KAT6B: variants seen among roughly 807,000 people sequenced by gnomAD.
The protein encoded by KAT6B is histone acetyltransferase KAT6B.
Under a neutral mutation model 187.5 loss-of-function variants are expected in KAT6B, and 10 were observed. The ratio of observed to expected loss-of-function variants is 0.05; its 90% confidence interval spans 0.03 to 0.09. The LOEUF (loss-of-function observed/expected upper bound fraction) is 0.09, where lower values mean the gene tolerates loss of function less well. Among genes scored for constraint, KAT6B ranks in the 10% least tolerant of loss-of-function variants. The pLI is 1.00. For synonymous variants in KAT6B, 861 were observed against 926.8 expected (o/e 0.93, Z 1.29); for missense variants, 1,952 against 2,558.9 (o/e 0.76, Z 5.12).
Position 74,977,308 on chromosome 10 carries a change from A to C in KAT6B, c.1994-8A>C. On this transcript the variant is annotated splice_region_variant and splice_polypyrimidine_tract_variant and intron_variant, in intron 8 of 17. Transcript: ENST00000287239. ...GTGAATACACTTTCTGCTGGTTTTAAATGACAGATACTGAAATAAAAATAA... is the reference window on the plus strand; with the variant it reads ...GTGAATACACTTTCTGCTGGTTTTACATGACAGATACTGAAATAAAAATAA... The C allele has an allele frequency of 6.2e-7, 1 of 1,612,562 alleles. No individual in the cohort carries two copies. The highest frequency in any genetic ancestry group is 1.1e-5 in the South Asian group (1 of 90,862).
chr10:74,843,085 C>T lies in KAT6B; in HGVS notation c.228C>T (p.Asn76=). 1 of 1,614,196 alleles carries T rather than the reference C, an allele frequency of 6.2e-7. No individual in the cohort carries two copies. Among genetic ancestry groups the T allele is most frequent in the South Asian group, 1.1e-5 (1 of 91,090 alleles). The change falls in exon 3 of 18, where the codon AAC becomes AAT. Residue 76 remains asparagine, a synonymous_variant. Coordinates refer to ENST00000287239, the MANE Select transcript of KAT6B (RefSeq NM_012330.4). ...KGLASYKDPD[N]PGRFSSVKPG... ...TTGCCTCCTATAAGGACCCAGACAACCCTGGGCGCTTTTCATCAGTTAAAC... is the reference window on the plus strand; with the variant it reads ...TTGCCTCCTATAAGGACCCAGACAATCCTGGGCGCTTTTCATCAGTTAAAC...
chr10:74,874,768 A>C (rs1179982473), intron 3 of KAT6B, among the ~76,000 whole-genome samples: 4 of 151,970 alleles, frequency 2.6e-5, no homozygotes, highest in Non-Finnish European at 5.9e-5. Context: ...GTTAGAAGTT[A>C]CTTCTTTGTG....
At chr10:74,943,400 T>A (rs1304642366) in intron 3 of KAT6B, among the ~76,000 whole-genome samples, 1 of 152,204 alleles carries the variant, frequency 6.6e-6, no homozygotes, top group Non-Finnish European at 1.5e-5. Context: ...CCAAACTGAT[T>A]TATAGAGTCA....
At chr10:74,964,258 G>A (rs1841307297) in intron 4 of KAT6B, among the ~76,000 whole-genome samples, 1 of 152,182 alleles carries the variant, frequency 6.6e-6, no homozygotes, top group Admixed American at 6.5e-5. Flanking sequence ...CTAAAACTGT[G>A]CTTGTCTGGG....
chr10:74,833,134 C>CAA (rs905808106), intron 1 of KAT6B, among the ~76,000 whole-genome samples: 1,016 of 51,688 alleles, frequency 0.02, 29 homozygotes, highest in Admixed American at 0.048. Flanking sequence ...GACTCTGTCT[C>CAA]AAAAAAAAAA....
At chr10:74,878,793 G>A (rs1844626500) in intron 3 of KAT6B, among the ~76,000 whole-genome samples, 1 of 152,068 alleles carries the variant, frequency 6.6e-6, no homozygotes. Context: ...TGCATGTTTG[G>A]GTTATGGTGA....
chr10:74,911,842 T>A lies in KAT6B; in HGVS notation c.622-48128T>A, dbSNP rs533323708. 2.4e-4 allele frequency among the ~76,000 whole-genome samples: 36 copies of A among 152,232 alleles called. No individual in the cohort carries two copies. In the South Asian group the frequency reaches 7.5e-3, roughly 32 times the overall value. On this transcript the variant is annotated intron_variant, in intron 3 of 17. Coordinates refer to ENST00000287239, the MANE Select transcript of KAT6B (RefSeq NM_012330.4). ...TTTATTTATTTTTGTTATTATTATTTTTTAAGAAACAGGGTCTTGCTCTGT... is the reference window on the plus strand; with the variant it reads ...TTTATTTATTTTTGTTATTATTATTATTTAAGAAACAGGGTCTTGCTCTGT...
chr10:74,988,832 G>T (rs1248332080), intron 12 of KAT6B, among the ~76,000 whole-genome samples, 187 bp from the exon 13 acceptor site: 1 of 152,220 alleles, frequency 6.6e-6, no homozygotes, highest in Non-Finnish European at 1.5e-5. Flanking sequence ...TGAGAGGCAT[G>T]TCAGAGTCGA....
chr10:74,914,688 A>G (rs10490990), intron 3 of KAT6B, among the ~76,000 whole-genome samples: 3,741 of 152,342 alleles, frequency 0.025, 158 homozygotes, highest in African/African-American at 0.085. Context: ...ATATGATTCC[A>G]GTTTCCCCTC....
chr10:74,939,602 T>C (rs1002832908), intron 3 of KAT6B, among the ~76,000 whole-genome samples: 1 of 152,164 alleles, frequency 6.6e-6, no homozygotes, highest in Non-Finnish European at 1.5e-5. Context: ...GGTCTCACCA[T>C]ATTGGCCAGG....
intron 1 of KAT6B, among the ~76,000 whole-genome samples, chr10:74,837,978 G>T (rs916589433): frequency 6.6e-6 from 1 of 152,044 alleles, no homozygotes; most frequent in African/African-American, 2.4e-5. Context: ...ATCGAGGAGT[G>T]GGGTGTGTGT....
intron 3 of KAT6B, among the ~76,000 whole-genome samples, chr10:74,934,886 G>C (rs932853064): frequency 2.0e-5 from 3 of 152,104 alleles, no homozygotes; most frequent in African/African-American, 7.2e-5. Context: ...ACTCACCTCT[G>C]CTTCCCACTT....
intron 3 of KAT6B, among the ~76,000 whole-genome samples, chr10:74,874,815 GGTGTGTGTGTGTGTGTAT>G (rs1175089747): frequency 1.0e-4 from 15 of 150,724 alleles, no homozygotes; most frequent in African/African-American, 3.7e-4. Flanking sequence ...GTGTGTGTGG[GGTGTGTGTGTGTGTGTAT>G]GTGTGTGTGT....
chr10:74,890,390 T>C (rs929422900), intron 3 of KAT6B, among the ~76,000 whole-genome samples: 3 of 152,034 alleles, frequency 2.0e-5, no homozygotes, highest in African/African-American at 7.2e-5. Flanking sequence ...TGTAATCCCA[T>C]TACTTTGGGA....
At chr10:74,865,454 C>T (rs187447379) in intron 3 of KAT6B, among the ~76,000 whole-genome samples, 69 of 151,796 alleles carry the variant, frequency 4.5e-4, no homozygotes, top group Middle Eastern at 3.5e-3. Context: ...CAGAGTTTCC[C>T]AAACCAAAGT....
chr10:74,966,760 G>C (rs1841501637), intron 4 of KAT6B, among the ~76,000 whole-genome samples: 1 of 152,138 alleles, frequency 6.6e-6, no homozygotes, highest in Non-Finnish European at 1.5e-5. Context: ...GACGTGGTGG[G>C]GTGTGTCAGT....
At chr10:74,947,710 G>C (rs1160606667) in intron 3 of KAT6B, among the ~76,000 whole-genome samples, 2 of 150,794 alleles carry the variant, frequency 1.3e-5, no homozygotes, top group Non-Finnish European at 3.0e-5. Context: ...TTTACCCTTA[G>C]TAGGCTTTCT....
intron 1 of KAT6B, among the ~76,000 whole-genome samples, chr10:74,827,799 A>T (rs1840381043): frequency 6.6e-6 from 1 of 151,960 alleles, no homozygotes; most frequent in African/African-American, 2.4e-5. Flanking sequence ...TTAGTTTGGG[A>T]GACAAGTTGT....
intron 12 of KAT6B, among the ~76,000 whole-genome samples, chr10:74,987,415 G>A (rs539039850): frequency 1.1e-3 from 162 of 151,904 alleles, no homozygotes; most frequent in African/African-American, 3.3e-3. Flanking sequence ...CCTGGCAACA[G>A]CAAGACTCCA....
Sources: gnomAD v4.1 joint callset for allele counts (sites outside exome capture counted in the v4.1 genomes callset) on GRCh38, gnomAD v4.1.1 for gene constraint, MANE v1.5 for transcripts, NCBI Gene and HGNC (gene_info 2026-07-23, HGNC 2026-07-21) for gene names.